Variants in HDAC9 observed in about 807,000 individuals in gnomAD.
HDAC9 encodes the protein histone deacetylase 9.
In HDAC9, 41 loss-of-function variants were observed where a neutral mutation model predicts 139.4. The ratio of observed to expected loss-of-function variants is 0.29; its 90% CI spans 0.23 to 0.38. The LOEUF is 0.38. Ranked by LOEUF, HDAC9 falls within the 10% of genes least tolerant of loss-of-function variation. The probability of loss-of-function intolerance (pLI) is 1.00; values close to 1 mark genes in which losing one functional copy is unlikely to be tolerated. For synonymous variants in HDAC9, 517 were observed against 476.2 expected, an observed-to-expected ratio of 1.09 and a Z score of -1.12; for missense variants, 1,147 against 1,297.0, an observed-to-expected ratio of 0.88 and a Z score of 1.78.
At chr7:18,186,467 C>T (rs889528572) in intron 2 of HDAC9, among the ~76,000 whole-genome samples, 2 of 152,194 alleles carry the variant, frequency 1.3e-5, no homozygotes, top group African/African-American at 4.8e-5. Flanking sequence ...AAGGAAGGAG[C>T]ATGACACTCA....
chr7:18,233,685 AC>A (rs1274508250), intron 2 of HDAC9, among the ~76,000 whole-genome samples: 16 of 152,126 alleles, frequency 1.1e-4, no homozygotes, highest in Non-Finnish European at 2.1e-4. Flanking sequence ...CTGTAGGGGA[AC>A]GGAGCACACA....
intron 8 of HDAC9, among the ~76,000 whole-genome samples, chr7:18,642,282 T>C (rs1233140886): frequency 6.6e-6 from 1 of 152,076 alleles, no homozygotes; most frequent in Admixed American, 6.6e-5. Flanking sequence ...TGACTCCCAG[T>C]TGCACTCCTT....
At chr7:18,270,929 C>T (rs764807096) in intron 2 of HDAC9, among the ~76,000 whole-genome samples, 21 of 151,774 alleles carry the variant, frequency 1.4e-4, no homozygotes, top group African/African-American at 4.1e-4. Flanking sequence ...TTTTATTATT[C>T]GATTCTGTGT....
intron 2 of HDAC9, among the ~76,000 whole-genome samples, chr7:18,209,776 C>T (rs1037518088): frequency 2.6e-5 from 4 of 151,972 alleles, no homozygotes; most frequent in Non-Finnish European, 5.9e-5. Flanking sequence ...TCTTGGCTCA[C>T]TGTAAGCTCC....
At chr7:18,476,365 G>A (rs1403818911) in intron 1 of HDAC9, among the ~76,000 whole-genome samples, 1 of 152,022 alleles carries the variant, frequency 6.6e-6, no homozygotes, top group African/African-American at 2.4e-5. Flanking sequence ...ATGACTTAAT[G>A]ACCAACAAGT....
Position 18,489,382 on chromosome 7 carries a change from A to C in HDAC9, c.-41-6880A>C, listed in dbSNP as rs931928413. Among the ~76,000 whole-genome samples the C allele has an allele frequency of 3.9e-5, 6 of 152,038 alleles. No homozygotes were observed. The South Asian group carries it at 1.2e-3, about 31-fold the overall frequency. On this transcript the variant is annotated intron_variant, in intron 1 of 3. Transcript: ENST00000413509. ...TCATGAATTAAAGGTCCATAGGAGG[A>C]TATTTTTAATAATCAGTTATAGTAA...
chr7:18,403,336 T>C (rs1787714644), intron 1 of HDAC9, among the ~76,000 whole-genome samples: 1 of 152,226 alleles, frequency 6.6e-6, no homozygotes, highest in South Asian at 2.1e-4. Flanking sequence ...CTAGGTCTTA[T>C]GATTTGATCA....
At chr7:18,964,758 G>A (rs1783739996) in intron 24 of HDAC9, among the ~76,000 whole-genome samples, 1 of 152,132 alleles carries the variant, frequency 6.6e-6, no homozygotes, top group Non-Finnish European at 1.5e-5. Flanking sequence ...AAAACCATCA[G>A]ATCTCCTGAG....
intron 17 of HDAC9, among the ~76,000 whole-genome samples, chr7:18,796,148 G>T (rs1278790855): frequency 6.6e-6 from 1 of 152,116 alleles, no homozygotes; most frequent in East Asian, 1.9e-4. Context: ...AAAATTAAGA[G>T]CTTTATTTGA....
chr7:18,721,018 C>T (rs999398495), intron 12 of HDAC9, among the ~76,000 whole-genome samples: 1 of 151,940 alleles, frequency 6.6e-6, no homozygotes, highest in African/African-American at 2.4e-5. Flanking sequence ...TACATTTTCT[C>T]TCTTAATTTC....
chr7:18,954,344 G>A (rs775236342), intron 24 of HDAC9, 114 bp downstream of exon 24: 36 of 839,870 alleles, frequency 4.3e-5, no homozygotes, highest in African/African-American at 8.7e-5. Context: ...TTGCACATGC[G>A]TTCTTAAGTA....
intron 1 of HDAC9, among the ~76,000 whole-genome samples, chr7:18,432,714 G>A (rs1400951066): frequency 1.3e-5 from 2 of 152,126 alleles, no homozygotes; most frequent in Non-Finnish European, 1.5e-5. Context: ...TTGGGAGGCC[G>A]AGGTGGGCGG....
chr7:18,374,570 TTGGCTACAACATTAAAA>T (rs1784846750), intron 1 of HDAC9, among the ~76,000 whole-genome samples: 1 of 151,654 alleles, frequency 6.6e-6, no homozygotes, highest in Admixed American at 6.6e-5. Flanking sequence ...GGTAATGCAT[TTGGCTACAACATTAAAA>T]TGGCTACAAC....
chr7:18,538,695 A>G (rs547899518), intron 2 of HDAC9, among the ~76,000 whole-genome samples: 35 of 152,336 alleles, frequency 2.3e-4, no homozygotes, highest in African/African-American at 6.5e-4. Context: ...TCATAATAAT[A>G]CTTTTAAATT....
In HDAC9 at chr7:18,488,787, T is replaced by G. The variant is rs1032216242; in HGVS notation, c.-41-7475T>G. Among the ~76,000 whole-genome samples, 5 of 152,164 alleles carry G rather than the reference T, an allele frequency of 3.3e-5. No individual in the cohort carries two copies. In the South Asian group the frequency reaches 1.0e-3, roughly 32 times the overall value. ...CAAGAAAGATATTTTAATACTTTGT[T>G]CATTCAAATTGTACTAGATAATGAT... On this transcript the variant is annotated intron_variant, in intron 1 of 3. Coordinates refer to the HDAC9 transcript ENST00000413509.
intron 12 of HDAC9, among the ~76,000 whole-genome samples, chr7:18,704,365 C>A (rs1783724448): frequency 6.6e-6 from 1 of 152,194 alleles, no homozygotes; most frequent in Non-Finnish European, 1.5e-5. Flanking sequence ...TCTTCCTTAC[C>A]TTTAGTGACT....
At chr7:18,825,908 A>T (rs1474650822) in intron 17 of HDAC9, among the ~76,000 whole-genome samples, 1 of 148,628 alleles carries the variant, frequency 6.7e-6, no homozygotes, top group African/African-American at 2.4e-5. Flanking sequence ...TGTTATATTT[A>T]TATAATATAC....
intron 6 of HDAC9, among the ~76,000 whole-genome samples, chr7:18,608,425 A>G (rs920501574): frequency 3.3e-5 from 5 of 152,012 alleles, no homozygotes; most frequent in African/African-American, 1.2e-4. Flanking sequence ...TGTTTTATAG[A>G]TTTATTTGCT....
At chr7:18,777,871 A>G (rs1475540070) in intron 16 of HDAC9, among the ~76,000 whole-genome samples, 1 of 151,958 alleles carries the variant, frequency 6.6e-6, no homozygotes, top group East Asian at 1.9e-4. Context: ...GGGCTGATTC[A>G]CAGCCTCACA....
Sources: gnomAD v4.1 joint callset for allele counts (sites outside exome capture counted in the v4.1 genomes callset) on GRCh38, gnomAD v4.1.1 for gene constraint, MANE v1.5 for transcripts, NCBI Gene and HGNC (gene_info 2026-07-23, HGNC 2026-07-21) for gene names.